The following MAPK14 variants were observed in gnomAD, a reference collection of about 807,000 sequenced individuals.
The protein encoded by MAPK14 is mitogen-activated protein kinase 14, also known as CSAID-binding protein.
In MAPK14, 16 loss-of-function variants were observed where a neutral mutation model predicts 49.6. That is an observed-to-expected ratio of 0.32 (90% confidence interval 0.22 to 0.49). MAPK14 has a LOEUF of 0.49. MAPK14 is among the 20% of genes least tolerant of loss of function. The pLI is 0.99. For synonymous variants in MAPK14, 142 were observed against 158.0 expected, an observed-to-expected ratio of 0.90 and a Z score of 0.76; for missense variants, 200 against 441.2, an observed-to-expected ratio of 0.45 and a Z score of 4.90.
At chr6:36,092,540 C>A in intron 8 of MAPK14, 1 of 503,488 alleles carries the variant, frequency 2.0e-6, no homozygotes, top group Non-Finnish European at 3.8e-6. Context: ...CAATAGGAGC[C>A]ATGTATGTTG....
At chr6:36,095,223 T>C (rs369362296) in intron 8 of MAPK14, among the ~76,000 whole-genome samples, 2 of 152,370 alleles carry the variant, frequency 1.3e-5, no homozygotes, top group African/African-American at 4.8e-5. Context: ...TATGGCATTG[T>C]GGCCTATTAT....
chr6:36,113,315 C>T (rs575607859), downstream of MAPK14, among the ~76,000 whole-genome samples: 28 of 134,622 alleles, frequency 2.1e-4, no homozygotes, highest in African/African-American at 7.6e-4. Flanking sequence ...GCATTCCAGC[C>T]TGGGTGACAT....
intron 8 of MAPK14, chr6:36,092,332 C>A: frequency 1.6e-6 from 1 of 624,486 alleles, no homozygotes; most frequent in South Asian, 1.4e-5. Context: ...AGCAGCTGCT[C>A]CTGGGGTTTC....
intron 1 of MAPK14, among the ~76,000 whole-genome samples, chr6:36,043,058 A>C (rs1391546753): frequency 6.6e-6 from 1 of 152,070 alleles, no homozygotes; most frequent in East Asian, 1.9e-4. Flanking sequence ...TGGGAAGTCA[A>C]AGCTGCATTG....
At chr6:36,074,122 G>C (rs375695369) in intron 6 of MAPK14, 26 bp downstream of exon 6, 2 of 1,595,210 alleles carry the variant, frequency 1.3e-6, no homozygotes, top group Non-Finnish European at 8.6e-7. Flanking sequence ...AGTATTCATT[G>C]TTTGCTTTAC....
chr6:36,073,685 T>C lies in MAPK14; in HGVS notation c.418-6T>C, dbSNP rs377569472. ...GAGGTAACTTTGACTTTTTTCTCTT[T>C]TGCAGTATATACATTCAGCTGACAT... On this transcript the variant is annotated splice_region_variant and splice_polypyrimidine_tract_variant and intron_variant, in intron 4 of 11. Coordinates refer to ENST00000229794, the MANE Select transcript of MAPK14 (RefSeq NM_139012.3). 7.4e-6 allele frequency: 12 copies of C among 1,611,304 alleles called. No homozygotes were observed. The East Asian group carries it at 1.1e-4, about 15-fold the overall frequency.
chr6:36,061,264 A>G (rs1763810815), intron 3 of MAPK14, among the ~76,000 whole-genome samples: 2 of 152,186 alleles, frequency 1.3e-5, no homozygotes, highest in East Asian at 1.9e-4. Flanking sequence ...GCAAAGTGCA[A>G]AATGCTGTAT....
chr6:36,039,475 G>A (rs1762874135), intron 1 of MAPK14, among the ~76,000 whole-genome samples: 1 of 152,080 alleles, frequency 6.6e-6, no homozygotes, highest in Non-Finnish European at 1.5e-5. Context: ...AGGAAGGTGT[G>A]TGTGTGTGTG....
At chr6:36,087,009 A>G (rs142718375) in intron 8 of MAPK14, among the ~76,000 whole-genome samples, 1,731 of 152,354 alleles carry the variant, frequency 0.011, 26 homozygotes, top group African/African-American at 0.039. Context: ...ATCAATAAAC[A>G]TAATTGATCA....
intron 1 of MAPK14, among the ~76,000 whole-genome samples, chr6:36,039,614 T>C (rs1762882343): frequency 6.6e-6 from 1 of 152,190 alleles, no homozygotes; most frequent in African/African-American, 2.4e-5. Context: ...TTTTGTTCTT[T>C]GTTTTCGTAA....
chr6:36,099,583 CCTTCTCCT>C (rs910268615), intron 9 of MAPK14, among the ~76,000 whole-genome samples: 2 of 152,206 alleles, frequency 1.3e-5, no homozygotes, highest in African/African-American at 4.8e-5. Context: ...TAGCCTCTAA[CCTTCTCCT>C]CTTCTCCTCT....
Position 36,069,101 on chromosome 6 carries a change from ATTTAC to A in MAPK14, c.306-3764_306-3760del. ...GTCTAACCTTCCTTAATTTACTTTA[ATTTAC>A]TTTACTTAATTTACTTTAGGTGTTA... On this transcript the variant is annotated intron_variant, in intron 3 of 11. Coordinates refer to ENST00000229794, the MANE Select transcript of MAPK14 (RefSeq NM_139012.3). Among the ~76,000 whole-genome samples the A allele has an allele frequency of 2.0e-5, 3 of 152,232 alleles. No individual in the cohort carries two copies. The Middle Eastern group carries it at 0.01, about 521-fold the overall frequency.
chr6:36,121,476 G>C, the MAPK14 span, among the ~76,000 whole-genome samples: 4 of 152,180 alleles, frequency 2.6e-5, no homozygotes, highest in African/African-American at 9.7e-5. Flanking sequence ...CCCTGGCTTA[G>C]GAAGGGCAGC....
the MAPK14 span, among the ~76,000 whole-genome samples, chr6:36,119,530 G>C: frequency 6.6e-6 from 1 of 152,136 alleles, no homozygotes; most frequent in African/African-American, 2.4e-5. Context: ...ATCAATAGGG[G>C]AATAGGAAAT....
intron 2 of MAPK14, 55 bp from the exon 3 acceptor site, chr6:36,059,234 G>T: frequency 9.1e-7 from 1 of 1,099,442 alleles, no homozygotes; most frequent in Non-Finnish European, 1.4e-6. Context: ...GACCTGATGG[G>T]TACTATACTG....
chr6:36,030,512 C>A (rs1234423968), intron 1 of MAPK14, among the ~76,000 whole-genome samples: 6 of 151,728 alleles, frequency 4.0e-5, no homozygotes, highest in Non-Finnish European at 7.4e-5. Context: ...ACGGTGAAAC[C>A]CCGTCTCTAC....
In MAPK14 at chr6:36,034,821, C is replaced by T. The variant is rs112263676; in HGVS notation, c.116+6548C>T. Among the ~76,000 whole-genome samples, 885 of 151,620 alleles carry T rather than the reference C, an allele frequency of 5.8e-3. 3 individuals are homozygous for T. Among genetic ancestry groups the T allele is most frequent in the South Asian group, 0.019 (92 of 4,768 alleles). On this transcript the variant is annotated intron_variant, in intron 1 of 11. Transcript: ENST00000229794. ...CCTGTGGTAAGCGAGTCTTTTGGCACCATTTTTCCAAAAGCATGTGCTCAC... is the reference window on the plus strand; with the variant it reads ...CCTGTGGTAAGCGAGTCTTTTGGCATCATTTTTCCAAAAGCATGTGCTCAC...
At chr6:36,104,805 T>G (rs1304960432) in intron 10 of MAPK14, among the ~76,000 whole-genome samples, 3 of 152,196 alleles carry the variant, frequency 2.0e-5, no homozygotes, top group African/African-American at 7.2e-5. Context: ...GATGTGTTAA[T>G]TCATTTTTTA....
intron 3 of MAPK14, among the ~76,000 whole-genome samples, chr6:36,060,357 A>G (rs980863049): frequency 1.1e-4 from 16 of 152,114 alleles, no homozygotes; most frequent in Admixed American, 5.9e-4. Flanking sequence ...ACTCTCTACT[A>G]TAGTAGCTTT....
Sources: gnomAD v4.1 joint callset for allele counts (sites outside exome capture counted in the v4.1 genomes callset) on GRCh38, gnomAD v4.1.1 for gene constraint, MANE v1.5 for transcripts, NCBI Gene and HGNC (gene_info 2026-07-23, HGNC 2026-07-21) for gene names.